GLMN: variants seen among roughly 807,000 people sequenced by gnomAD.
GLMN encodes the protein glomulin, FKBP associated protein, also known as glomulin.
GLMN carries 75 observed loss-of-function variants against 87.8 expected under a neutral mutation model. The observed-to-expected ratio is 0.85, with a 90% CI of 0.71 to 1.04. The LOEUF (loss-of-function observed/expected upper bound fraction) is 1.04. Ranked by LOEUF, GLMN falls within the 50% of genes least tolerant of loss-of-function variation. The pLI is 0.00. For missense variants in GLMN, 588 were observed against 658.8 expected, an observed-to-expected ratio of 0.89 and a Z score of 1.18; for synonymous variants, 206 against 221.6, an observed-to-expected ratio of 0.93 and a Z score of 0.63.
intron 7 of GLMN, among the ~76,000 whole-genome samples, chr1:92,272,525 G>C (rs565946364): frequency 6.6e-6 from 1 of 152,016 alleles, no homozygotes; most frequent in Non-Finnish European, 1.5e-5. Context: ...AGTGCTTCAG[G>C]GATATTTGAG....
At chr1:92,293,367 G>A (rs544435050) in intron 3 of GLMN, among the ~76,000 whole-genome samples, 19 of 152,190 alleles carry the variant, frequency 1.2e-4, no homozygotes, top group East Asian at 3.9e-4. Context: ...ATGTATTGTC[G>A]CGATCTCAGC....
At chr1:92,262,340 T>C (rs1430798679) in intron 16 of GLMN, among the ~76,000 whole-genome samples, 1 of 152,222 alleles carries the variant, frequency 6.6e-6, no homozygotes, top group Admixed American at 6.5e-5. Flanking sequence ...TCAAATAGTT[T>C]TCTATTTATT....
chr1:92,263,723 T>TA lies in GLMN; in HGVS notation c.1308dup (p.Asn437Ter), dbSNP rs1184527706. On this transcript the variant is annotated frameshift_variant, in exon 15 of 19. Coordinates refer to ENST00000370360, the MANE Select transcript of GLMN (RefSeq NM_053274.3). LOFTEE classifies it high-confidence loss of function. ...TGTGGTCCTGTAAACCATTTGTTGT[T>TA]ACGTGTTCTCTGAAAAGCAAACGAA... 1.3e-6 allele frequency: 2 copies of TA among 1,560,274 alleles called. No homozygotes were observed. The highest frequency in any genetic ancestry group is 2.2e-5 in the South Asian group (2 of 89,940).
At chr1:92,319,480 G>A in the GLMN span, among the ~76,000 whole-genome samples, 2 of 152,094 alleles carry the variant, frequency 1.3e-5, no homozygotes, top group African/African-American at 4.8e-5. Flanking sequence ...TAAATTTTAA[G>A]GTCTGGCAGG....
At chr1:92,335,863 CTTAGA>C in the GLMN span, among the ~76,000 whole-genome samples, 75 of 152,082 alleles carry the variant, frequency 4.9e-4, no homozygotes, top group East Asian at 2.7e-3. Flanking sequence ...TGATTATTTC[CTTAGA>C]TTAAATTTTT....
chr1:92,273,953 A>G (rs1288437006), intron 7 of GLMN, among the ~76,000 whole-genome samples: 8 of 152,152 alleles, frequency 5.3e-5, no homozygotes, highest in Non-Finnish European at 8.8e-5. Flanking sequence ...CCTTTCAGAA[A>G]TGTTCCTGTA....
At chr1:92,310,463 T>C in the GLMN span, among the ~76,000 whole-genome samples, 1 of 152,176 alleles carries the variant, frequency 6.6e-6, no homozygotes, top group Non-Finnish European at 1.5e-5. Context: ...AGTCTTCCTT[T>C]AGGGAGGAAA....
chr1:92,252,570 A>AT (rs1553133895), intron 16 of GLMN, among the ~76,000 whole-genome samples: 2 of 152,286 alleles, frequency 1.3e-5, no homozygotes, highest in South Asian at 4.1e-4. Flanking sequence ...GCCTAAAGAA[A>AT]TTTTTTACAT....
intron 6 of GLMN, among the ~76,000 whole-genome samples, chr1:92,288,000 A>C (rs1290543315): frequency 6.6e-6 from 1 of 151,958 alleles, no homozygotes; most frequent in Admixed American, 6.6e-5. Flanking sequence ...TTGTCATTTC[A>C]ACATGTTATC....
chr1:92,301,456 G>C (rs1397558267), upstream of GLMN: 4 of 1,341,868 alleles, frequency 3.0e-6, no homozygotes, highest in African/African-American at 1.5e-5. Flanking sequence ...AGTAGATTAA[G>C]TTTCTCTTTC....
At chr1:92,329,387 C>A in the GLMN span, among the ~76,000 whole-genome samples, 1 of 152,138 alleles carries the variant, frequency 6.6e-6, no homozygotes, top group African/African-American at 2.4e-5. Flanking sequence ...AGCTGGCAAC[C>A]ACAGGCCTCA....
the GLMN span, chr1:92,323,366 G>C: frequency 1.0e-6 from 1 of 966,086 alleles, no homozygotes. Flanking sequence ...AATACTATGG[G>C]GTACTTTACT....
chr1:92,250,662 C>T (rs951957152), intron 16 of GLMN, among the ~76,000 whole-genome samples: 4 of 152,106 alleles, frequency 2.6e-5, no homozygotes, highest in Admixed American at 2.6e-4. Context: ...CCATATAACA[C>T]ATTTAATCTT....
intron 3 of GLMN, among the ~76,000 whole-genome samples, chr1:92,295,170 T>G (rs778063430): frequency 6.6e-5 from 10 of 152,338 alleles, no homozygotes; most frequent in Non-Finnish European, 1.0e-4. Context: ...TTGTTTATAC[T>G]TCCCTTTTCC....
At chr1:92,287,242 ATTTGT>A (rs1398429094) in intron 6 of GLMN, among the ~76,000 whole-genome samples, 1 of 152,160 alleles carries the variant, frequency 6.6e-6, no homozygotes, top group East Asian at 1.9e-4. Context: ...ACACAGCTCT[ATTTGT>A]TTTATTTAGA....
chr1:92,320,419 C>T, the GLMN span, among the ~76,000 whole-genome samples: 3 of 152,010 alleles, frequency 2.0e-5, no homozygotes, highest in Non-Finnish European at 4.4e-5. Context: ...ACTACAGGCG[C>T]GCACCGCCAT....
At chr1:92,311,275 A>G in the GLMN span, among the ~76,000 whole-genome samples, 1 of 152,164 alleles carries the variant, frequency 6.6e-6, no homozygotes, top group African/African-American at 2.4e-5. Context: ...TTTGGTTCTA[A>G]TGATTTACAG....
At chr1:92,332,337 T>C in the GLMN span, among the ~76,000 whole-genome samples, 14 of 152,134 alleles carry the variant, frequency 9.2e-5, no homozygotes, top group African/African-American at 3.1e-4. Flanking sequence ...TTTCCAATTA[T>C]CTGTCAAAAA....
chr1:92,297,115 C>CTTTTTTT (rs1034040272), intron 3 of GLMN, among the ~76,000 whole-genome samples: 17 of 118,322 alleles, frequency 1.4e-4, no homozygotes, highest in Non-Finnish European at 1.8e-4. Flanking sequence ...TGTTTCTTTT[C>CTTTTTTT]TTTTTTTTTT....
Sources: gnomAD v4.1 joint callset for allele counts (sites outside exome capture counted in the v4.1 genomes callset) on GRCh38, gnomAD v4.1.1 for gene constraint, MANE v1.5 for transcripts, NCBI Gene and HGNC (gene_info 2026-07-23, HGNC 2026-07-21) for gene names.